CNTN5: variants seen among roughly 807,000 people sequenced by gnomAD.
CNTN5 encodes contactin-5.
CNTN5 carries 77 observed loss-of-function variants against 129.1 expected under a neutral mutation model. The ratio of observed to expected loss-of-function variants is 0.60; its 90% CI spans 0.50 to 0.72. The LOEUF (loss-of-function observed/expected upper bound fraction) is 0.72. Among genes scored for constraint, CNTN5 ranks in the 30% least tolerant of loss-of-function variants. The pLI is 0.00. For synonymous variants in CNTN5, 509 were observed against 465.6 expected, an observed-to-expected ratio of 1.09 and a Z score of -1.20; for missense variants, 1,478 against 1,328.8, an observed-to-expected ratio of 1.11 and a Z score of -1.75.
In CNTN5 at chr11:99,035,580, C is replaced by T. The variant is rs946927006; in HGVS notation, c.-210+14310C>T. The stretch of plus-strand genomic sequence containing the variant: ...GGTTTAAAGTCTGTTTTATCAGAGA[C>T]TAGGATTGCAACCCCTGCCTTTTTT... On this transcript the variant is annotated intron_variant, in intron 1 of 24. Coordinates refer to ENST00000524871, the MANE Select transcript of CNTN5 (RefSeq NM_014361.4). Among the ~76,000 whole-genome samples, 245 of 146,634 alleles carry T rather than the reference C, an allele frequency of 1.7e-3. 1 individual carries two copies. Among genetic ancestry groups the T allele is most frequent in the African/African-American group, 6.1e-3 (239 of 39,484 alleles).
chr11:99,546,277 A>G (rs756368225), intron 2 of CNTN5, among the ~76,000 whole-genome samples: 2 of 152,184 alleles, frequency 1.3e-5, no homozygotes, highest in Non-Finnish European at 2.9e-5. Flanking sequence ...TGGGCTAGAA[A>G]GGGTAGCCTT....
At chr11:99,187,768 T>C (rs183260370) in intron 1 of CNTN5, among the ~76,000 whole-genome samples, 4 of 151,846 alleles carry the variant, frequency 2.6e-5, no homozygotes, top group Non-Finnish European at 4.4e-5. Context: ...AATATTTAAA[T>C]TGGTGAGTTG....
intron 2 of CNTN5, among the ~76,000 whole-genome samples, chr11:99,358,672 A>G (rs1434590414): frequency 1.3e-5 from 2 of 152,198 alleles, no homozygotes; most frequent in African/African-American, 4.8e-5. Flanking sequence ...TCAGAAGGCA[A>G]ATATTATTTC....
chr11:99,092,099 T>C (rs986603483), intron 1 of CNTN5, among the ~76,000 whole-genome samples: 3 of 152,126 alleles, frequency 2.0e-5, no homozygotes, highest in Non-Finnish European at 4.4e-5. Flanking sequence ...AGAAAATGTG[T>C]TTTTTGTTGT....
chr11:99,373,064 C>A (rs111884204), intron 2 of CNTN5, among the ~76,000 whole-genome samples: 2 of 91,596 alleles, frequency 2.2e-5, no homozygotes, highest in Non-Finnish European at 6.3e-5. Context: ...CAAAAATTAG[C>A]GGGGCATGGT....
chr11:99,861,236 C>T (rs985879004), intron 6 of CNTN5, among the ~76,000 whole-genome samples: 2 of 152,160 alleles, frequency 1.3e-5, no homozygotes, highest in East Asian at 3.9e-4. Context: ...GGATTACAGG[C>T]GTGAGCCACC....
At position 99,741,258 on chromosome 11, in the gene CNTN5, A is replaced by G. The variant is rs1342139541; in HGVS notation, c.56-78286A>G. On this transcript the variant is annotated intron_variant, in intron 3 of 24. Coordinates refer to ENST00000524871, the MANE Select transcript of CNTN5 (RefSeq NM_014361.4). ...ACTTACATAAACCATTAATTTCAAT[A>G]TTTTGGAATTTAACATTGAATGGTA... is the stretch of plus-strand genomic sequence containing the variant. Among the ~76,000 whole-genome samples, 3 of 152,180 alleles carry G rather than the reference A, an allele frequency of 2.0e-5. No individual in the cohort carries two copies. The East Asian group carries it at 5.8e-4, about 29-fold the overall frequency.
intron 3 of CNTN5, among the ~76,000 whole-genome samples, chr11:99,697,884 C>A (rs1255283710): frequency 6.6e-6 from 1 of 151,454 alleles, no homozygotes; most frequent in Non-Finnish European, 1.5e-5. Flanking sequence ...TCATGGGGAC[C>A]CTGATTACAA....
At chr11:99,986,943 C>T (rs1041696831) in intron 8 of CNTN5, among the ~76,000 whole-genome samples, 14 of 152,000 alleles carry the variant, frequency 9.2e-5, no homozygotes, top group East Asian at 3.9e-4. Context: ...TGACTGATTG[C>T]GGAGAAATGG....
intron 2 of CNTN5, among the ~76,000 whole-genome samples, chr11:99,446,507 T>C (rs1944078050): frequency 6.6e-6 from 1 of 152,176 alleles, no homozygotes; most frequent in Non-Finnish European, 1.5e-5. Flanking sequence ...TCTATTTCAG[T>C]CAGTAAAGTT....
intron 6 of CNTN5, among the ~76,000 whole-genome samples, chr11:99,881,522 A>G (rs927878412): frequency 1.3e-5 from 2 of 152,216 alleles, no homozygotes; most frequent in Non-Finnish European, 1.5e-5. Flanking sequence ...TATGAATTAC[A>G]GCATCATTGT....
At chr11:99,683,827 A>G (rs1024439134) in intron 3 of CNTN5, among the ~76,000 whole-genome samples, 1 of 151,718 alleles carries the variant, frequency 6.6e-6, no homozygotes, top group African/African-American at 2.4e-5. Flanking sequence ...TCTAATTGGA[A>G]ATTTTAAAAA....
intron 1 of CNTN5, among the ~76,000 whole-genome samples, chr11:99,176,744 T>C (rs1392250663): frequency 6.6e-6 from 1 of 152,210 alleles, no homozygotes; most frequent in East Asian, 1.9e-4. Context: ...ATCACTTCTC[T>C]GTATCTTTGC....
intron 9 of CNTN5, among the ~76,000 whole-genome samples, chr11:100,032,961 TATTA>T (rs1338812132): frequency 2.4e-4 from 36 of 152,196 alleles, no homozygotes; most frequent in African/African-American, 8.2e-4. Flanking sequence ...ATAAAATGTC[TATTA>T]ATTTGCAACA....
At chr11:99,323,361 T>C (rs1306830731) in intron 1 of CNTN5, among the ~76,000 whole-genome samples, 1 of 152,104 alleles carries the variant, frequency 6.6e-6, no homozygotes, top group East Asian at 1.9e-4. Context: ...AATGGAAAAG[T>C]TTTGCTTCTA....
chr11:99,854,122 C>T (rs1947959625), intron 6 of CNTN5, among the ~76,000 whole-genome samples: 1 of 152,158 alleles, frequency 6.6e-6, no homozygotes, highest in Admixed American at 6.5e-5. Flanking sequence ...TTGAGGCTAG[C>T]AAAATCAGTA....
At chr11:99,823,123 C>T (rs142492382) in intron 4 of CNTN5, among the ~76,000 whole-genome samples, 2 of 152,328 alleles carry the variant, frequency 1.3e-5, no homozygotes, top group African/African-American at 4.8e-5. Flanking sequence ...CAGCCTCCCA[C>T]CTTTTGAAAG....
At chr11:99,815,127 G>A (rs1418660405) in intron 3 of CNTN5, among the ~76,000 whole-genome samples, 1 of 151,874 alleles carries the variant, frequency 6.6e-6, no homozygotes, top group Non-Finnish European at 1.5e-5. Flanking sequence ...ATTCAAGATG[G>A]GATTTGGGTG....
Position 99,985,566 on chromosome 11 carries a change from G to C in CNTN5, c.878-16468G>C, listed in dbSNP as rs138975639. Among the ~76,000 whole-genome samples, 227 of 152,290 alleles carry C rather than the reference G, an allele frequency of 1.5e-3. 1 individual carries two copies. Among genetic ancestry groups the C allele is most frequent in the African/African-American group, 5.4e-3 (225 of 41,572 alleles). The stretch of plus-strand genomic sequence containing the variant: ...TTTTCAGAAAGAACCAATTGGGAAA[G>C]AGAGGGCAGACAGGAATAGAAGTTT... On this transcript the variant is annotated intron_variant, in intron 8 of 24. Coordinates refer to ENST00000524871, the MANE Select transcript of CNTN5 (RefSeq NM_014361.4).
Sources: allele counts gnomAD v4.1 joint callset (sites outside exome capture counted in the v4.1 genomes callset), GRCh38; gene constraint gnomAD v4.1.1; transcripts MANE v1.5; gene names NCBI Gene and HGNC (gene_info 2026-07-23, HGNC 2026-07-21).